The following SLC4A8 variants were observed in gnomAD, a reference collection of about 807,000 sequenced individuals.
The protein encoded by SLC4A8 is solute carrier family 4 member 8, also known as electroneutral sodium bicarbonate exchanger 1.
SLC4A8 carries 40 observed loss-of-function variants against 125.0 expected under a neutral mutation model. The observed-to-expected ratio is 0.32, with a 90% CI of 0.25 to 0.42. The LOEUF (loss-of-function observed/expected upper bound fraction) is 0.42, where lower values mean the gene tolerates loss of function less well. Among genes scored for constraint, SLC4A8 ranks in the 10% least tolerant of loss-of-function variants. The pLI is 1.00. For synonymous variants in SLC4A8, 456 were observed against 476.0 expected (o/e 0.96, Z 0.55); for missense variants, 863 against 1,355.1 (o/e 0.64, Z 5.70).
At chr12:51,394,822 T>C (rs1696476255) in intron 1 of SLC4A8, among the ~76,000 whole-genome samples, 1 of 152,188 alleles carries the variant, frequency 6.6e-6, no homozygotes, top group South Asian at 2.1e-4. Flanking sequence ...CCTGGACATG[T>C]ACTCCTGAAC....
At chr12:51,403,698 G>A (rs1258165715) in intron 1 of SLC4A8, among the ~76,000 whole-genome samples, 1 of 152,150 alleles carries the variant, frequency 6.6e-6, no homozygotes, top group Non-Finnish European at 1.5e-5. Flanking sequence ...GCACCCAGAA[G>A]GAATAAGAAC....
At chr12:51,491,793 AATG>A (rs2138406302) in intron 19 of SLC4A8, among the ~76,000 whole-genome samples, 1 of 148,972 alleles carries the variant, frequency 6.7e-6, no homozygotes, top group South Asian at 2.1e-4. Flanking sequence ...CTTTAACAGA[AATG>A]ATGCCTTTTA....
At chr12:51,445,898 A>G (rs977026510) in intron 2 of SLC4A8, among the ~76,000 whole-genome samples, 3 of 152,152 alleles carry the variant, frequency 2.0e-5, no homozygotes, top group Non-Finnish European at 4.4e-5. Context: ...TGTTCTGTTC[A>G]CTATTGTATC....
Position 51,464,140 on chromosome 12 carries a change from C to A in SLC4A8, c.1349+426C>A, listed in dbSNP as rs148326851. ...TGACCCTCCCTTCCCCACATTACAG[C>A]CTTTATCATACTTCATTATTATTGG... On this transcript the variant is annotated intron_variant, in intron 11 of 24. Coordinates refer to ENST00000453097, the MANE Select transcript of SLC4A8 (RefSeq NM_001039960.3). Among the ~76,000 whole-genome samples the A allele has an allele frequency of 2.6e-5, 4 of 152,254 alleles. No homozygotes were observed. The East Asian group carries it at 7.7e-4, about 29-fold the overall frequency.
chr12:51,427,008 C>T (rs1949011775), intron 1 of SLC4A8, among the ~76,000 whole-genome samples: 2 of 149,958 alleles, frequency 1.3e-5, no homozygotes, highest in African/African-American at 4.9e-5. Flanking sequence ...GTGCGATCTC[C>T]ACTCACTACA....
At chr12:51,432,436 T>G (rs1173307440) in intron 1 of SLC4A8, among the ~76,000 whole-genome samples, 2 of 100,682 alleles carry the variant, frequency 2.0e-5, no homozygotes, top group Admixed American at 1.0e-4. Context: ...AAAGAAACCC[T>G]GGAAATGGCT....
At chr12:51,446,528 G>A (rs1228637334) in intron 2 of SLC4A8, among the ~76,000 whole-genome samples, 1 of 152,172 alleles carries the variant, frequency 6.6e-6, no homozygotes, top group African/African-American at 2.4e-5. Context: ...TGCAGCCTTA[G>A]GAAACCCCAT....
At chr12:51,462,097 T>C (rs949773559) in intron 9 of SLC4A8, 5 of 546,596 alleles carry the variant, frequency 9.1e-6, no homozygotes, top group Non-Finnish European at 3.3e-6. Context: ...CTAGCAGACA[T>C]GTATTTAGTT....
chr12:51,480,660 A>C, intron 16 of SLC4A8: 1 of 983,828 alleles, frequency 1.0e-6, no homozygotes, highest in Non-Finnish European at 1.2e-6. Flanking sequence ...CGTGTAACTA[A>C]TCAGAAATCC....
At chr12:51,401,193 A>G (rs1324360002) in intron 1 of SLC4A8, among the ~76,000 whole-genome samples, 2 of 152,116 alleles carry the variant, frequency 1.3e-5, no homozygotes, top group Non-Finnish European at 2.9e-5. Flanking sequence ...GGCGTGTGCT[A>G]CCGTGTGCTC....
At chr12:51,459,446 T>G (rs539985026) in intron 7 of SLC4A8, among the ~76,000 whole-genome samples, 1 of 152,174 alleles carries the variant, frequency 6.6e-6, no homozygotes, top group South Asian at 2.1e-4. Context: ...TTCAAATACT[T>G]CATTTTTTTT....
At chr12:51,418,076 G>A (rs193237845) in intron 1 of SLC4A8, among the ~76,000 whole-genome samples, 1 of 152,240 alleles carries the variant, frequency 6.6e-6, no homozygotes, top group Non-Finnish European at 1.5e-5. Context: ...GTCTCAGAAA[G>A]ATAAGAACGA....
intron 13 of SLC4A8, among the ~76,000 whole-genome samples, 189 bp from the exon 14 acceptor site, chr12:51,471,098 G>A (rs553788365): frequency 1.3e-5 from 2 of 152,034 alleles, no homozygotes; most frequent in East Asian, 3.9e-4. Flanking sequence ...GTATCCTTGC[G>A]CATATCCTGT....
chr12:51,471,550 T>A lies in SLC4A8; in HGVS notation c.1904+18T>A. 1 of 1,607,142 alleles carries A rather than the reference T, an allele frequency of 6.2e-7. No individual in the cohort carries two copies. Among genetic ancestry groups the A allele is most frequent in the Non-Finnish European group, 8.5e-7 (1 of 1,176,120 alleles). ...CTCTATTAGTAAGTGTGCTTTCTGC[T>A]TATTTTTAAAAATTGAGCAAAGGGC... On this transcript the variant is annotated intron_variant, in intron 14 of 24. Transcript: ENST00000453097.
At chr12:51,471,191 T>G in intron 13 of SLC4A8, 96 bp from the exon 14 acceptor site, 1 of 1,174,878 alleles carries the variant, frequency 8.5e-7, no homozygotes, top group East Asian at 2.3e-5. Flanking sequence ...TGGGTTCCAG[T>G]GCTTGTTTAG....
At chr12:51,481,354 A>C (rs957454961) in intron 16 of SLC4A8, among the ~76,000 whole-genome samples, 2 of 152,106 alleles carry the variant, frequency 1.3e-5, no homozygotes, top group African/African-American at 4.8e-5. Flanking sequence ...TCAAAAACAA[A>C]TCTATTTAAA....
chr12:51,499,512 A>G (rs1937746833), intron 22 of SLC4A8, among the ~76,000 whole-genome samples: 1 of 152,102 alleles, frequency 6.6e-6, no homozygotes, highest in African/African-American at 2.4e-5. Flanking sequence ...AGTAGTATAC[A>G]GGACACAGAC....
At chr12:51,504,976 A>G (rs1003252510) in intron 23 of SLC4A8, among the ~76,000 whole-genome samples, 1 of 152,258 alleles carries the variant, frequency 6.6e-6, no homozygotes, top group Non-Finnish European at 1.5e-5. Flanking sequence ...GGAAAAGAGC[A>G]GGATATCTGG....
At chr12:51,468,412 G>A (rs1258329107) in intron 11 of SLC4A8, among the ~76,000 whole-genome samples, 1 of 152,184 alleles carries the variant, frequency 6.6e-6, no homozygotes, top group Non-Finnish European at 1.5e-5. Context: ...TCACTCTTCT[G>A]TTTATAGTTC....
Sources: gnomAD v4.1 joint callset for allele counts (sites outside exome capture counted in the v4.1 genomes callset) on GRCh38, gnomAD v4.1.1 for gene constraint, MANE v1.5 for transcripts, NCBI Gene and HGNC (gene_info 2026-07-23, HGNC 2026-07-21) for gene names.